CYP2C19: variants seen among roughly 807,000 people sequenced by gnomAD.
CYP2C19 encodes the protein cytochrome P450 2C19.
In CYP2C19, 59 loss-of-function variants were observed where a neutral mutation model predicts 40.9. That is an observed-to-expected ratio of 1.44 (90% CI 1.17 to 1.79). The LOEUF (loss-of-function observed/expected upper bound fraction) is 1.79, where lower values mean the gene tolerates loss of function less well. CYP2C19 is among the 40% of genes most tolerant of loss of function. CYP2C19 has a pLI of 0.00. For synonymous variants in CYP2C19, 253 were observed against 208.7 expected (o/e 1.21, Z -1.83); for missense variants, 754 against 596.9 (o/e 1.26, Z -2.74).
At chr10:94,791,958 T>C (rs1848610686) in intron 5 of CYP2C19, among the ~76,000 whole-genome samples, 1 of 152,242 alleles carries the variant, frequency 6.6e-6, no homozygotes, top group Admixed American at 6.5e-5. Context: ...ATGTTGACAG[T>C]GGGGTGTTAA....
At chr10:94,822,858 T>A (rs1043078210) in intron 6 of CYP2C19, among the ~76,000 whole-genome samples, 1 of 152,204 alleles carries the variant, frequency 6.6e-6, no homozygotes, top group African/African-American at 2.4e-5. Context: ...CATATGTTTG[T>A]TGGCTGCTTG....
intron 5 of CYP2C19, among the ~76,000 whole-genome samples, chr10:94,805,415 C>A (rs1848818894): frequency 6.6e-6 from 1 of 152,018 alleles, no homozygotes; most frequent in Non-Finnish European, 1.5e-5. Flanking sequence ...TGTGTGTAAT[C>A]TTTTAAATTT....
chr10:94,844,811 G>A (rs1403666868), intron 7 of CYP2C19, among the ~76,000 whole-genome samples: 1 of 152,166 alleles, frequency 6.6e-6, no homozygotes, highest in African/African-American at 2.4e-5. Flanking sequence ...GAGGGTAATA[G>A]TAATGAAACT....
Position 94,842,979 on chromosome 10 carries a change from T to G in CYP2C19, c.1104T>G (p.His368Gln). The change falls in exon 7 of 9, where the codon CAT becomes CAG. Residue 368 changes from histidine (H) to glutamine (Q), a missense_variant. Transcript: ENST00000371321. ...ACCTCATCCCCACCAGCCTGCCCCA[T>G]GCAGTGACCTGTGACGTTAAATTCA... ...YIDLIPTSLP[H>Q]AVTCDVKFRN... 1 of 1,614,196 alleles carries G rather than the reference T, an allele frequency of 6.2e-7. No individual in the cohort carries two copies.
At chr10:94,842,751 T>C in intron 6 of CYP2C19, 86 bp from the exon 7 acceptor site, 1 of 1,383,872 alleles carries the variant, frequency 7.2e-7, no homozygotes, top group Non-Finnish European at 1.0e-6. Flanking sequence ...TTGGATACCT[T>C]CATCATGATT....
chr10:94,796,345 C>T (rs1333410075), intron 5 of CYP2C19, among the ~76,000 whole-genome samples: 1 of 152,080 alleles, frequency 6.6e-6, no homozygotes, highest in Non-Finnish European at 1.5e-5. Flanking sequence ...CTGTTCTGTT[C>T]CATTGGTCTA....
At chr10:94,782,196 A>G (rs1218403107) in intron 5 of CYP2C19, among the ~76,000 whole-genome samples, 199 bp downstream of exon 5, 5 of 152,194 alleles carry the variant, frequency 3.3e-5, no homozygotes, top group Admixed American at 2.0e-4. Context: ...TAGAATACAT[A>G]GAAGAAATTG....
At chr10:94,811,038 C>A (rs1035845935) in intron 5 of CYP2C19, among the ~76,000 whole-genome samples, 3 of 152,190 alleles carry the variant, frequency 2.0e-5, no homozygotes, top group African/African-American at 7.2e-5. Context: ...AATTTTCCCT[C>A]TAAACACTGC....
At chr10:94,847,939 G>T (rs1277551423) in intron 7 of CYP2C19, among the ~76,000 whole-genome samples, 2 of 151,970 alleles carry the variant, frequency 1.3e-5, no homozygotes, top group Admixed American at 1.3e-4. Flanking sequence ...TTTTTTTCTT[G>T]TAAATTTGTT....
intron 1 of CYP2C19, among the ~76,000 whole-genome samples, chr10:94,764,759 T>C (rs977369890): frequency 6.6e-6 from 1 of 152,124 alleles, no homozygotes; most frequent in African/African-American, 2.4e-5. Context: ...CTTGATGGCG[T>C]TGATCCTAGA....
At chr10:94,814,677 G>A (rs577452609) in intron 5 of CYP2C19, among the ~76,000 whole-genome samples, 140 of 150,300 alleles carry the variant, frequency 9.3e-4, no homozygotes, top group African/African-American at 2.6e-3. Flanking sequence ...GTATTTGGGC[G>A]TCCTCCTATT....
chr10:94,803,644 C>T (rs1353618349), intron 5 of CYP2C19, among the ~76,000 whole-genome samples: 1 of 152,152 alleles, frequency 6.6e-6, no homozygotes, highest in African/African-American at 2.4e-5. Context: ...AGACTTGAAG[C>T]CCCCAGGGTT....
At chr10:94,802,182 A>C (rs1848776147) in intron 5 of CYP2C19, among the ~76,000 whole-genome samples, 1 of 152,262 alleles carries the variant, frequency 6.6e-6, no homozygotes, top group Admixed American at 6.5e-5. Flanking sequence ...GGTCCAGTTT[A>C]CAAACCTCTA....
chr10:94,831,471 C>T (rs377027659), intron 6 of CYP2C19, among the ~76,000 whole-genome samples: 12 of 152,262 alleles, frequency 7.9e-5, no homozygotes, highest in African/African-American at 2.6e-4. Flanking sequence ...TTTTGAGGAA[C>T]ATTCAAACAG....
intron 1 of CYP2C19, among the ~76,000 whole-genome samples, chr10:94,771,217 C>T (rs747184822): frequency 1.3e-5 from 2 of 152,066 alleles, no homozygotes; most frequent in Non-Finnish European, 2.9e-5. Flanking sequence ...TAACTGATAG[C>T]CCGGGGTTTT....
At position 94,855,387 on chromosome 10, in the gene CYP2C19, G is replaced by C. The variant is rs1181249105; in HGVS notation, c.*2473G>C. Among the ~76,000 whole-genome samples the C allele has an allele frequency of 2.0e-5, 3 of 152,168 alleles. No individual in the cohort carries two copies. The highest frequency in any genetic ancestry group is 4.4e-5 in the Non-Finnish European group (3 of 68,036). On this transcript the variant is annotated 3_prime_UTR_variant, in exon 9 of 9. Transcript: ENST00000371321. Reference sequence around the variant, plus strand: ...GCAATCTGACTGGAAAGTAGAAGTTGCTAACAACTTTGCTAATTCTCTGCA... The same window carrying C: ...GCAATCTGACTGGAAAGTAGAAGTTCCTAACAACTTTGCTAATTCTCTGCA...
chr10:94,782,016 C>T lies in CYP2C19; in HGVS notation c.819+19C>T. 6.6e-7 allele frequency: 1 copy of T among 1,526,652 alleles called. No individual in the cohort carries two copies. Among genetic ancestry groups the T allele is most frequent in the Non-Finnish European group, 8.7e-7 (1 of 1,144,368 alleles). 94.6% of individuals were successfully genotyped at this position (1,526,652 alleles called of 1,614,324 possible). A position where few individuals can be genotyped will look rare whatever the true frequency, so the allele number is the denominator to read the frequency against. ...GGAGAAGGTAAAATGTTAACAAAAG[C>T]TTAGTTATGTGACTGCTTGCGTATT... On this transcript the variant is annotated intron_variant, in intron 5 of 8. Coordinates refer to ENST00000371321, the MANE Select transcript of CYP2C19 (RefSeq NM_000769.4).
chr10:94,807,797 T>C (rs752160639), intron 5 of CYP2C19, among the ~76,000 whole-genome samples: 4 of 152,158 alleles, frequency 2.6e-5, no homozygotes. Flanking sequence ...TTAATCCTGG[T>C]CAGATGAAAA....
chr10:94,849,144 C>T (rs1052583503), intron 7 of CYP2C19, among the ~76,000 whole-genome samples: 5 of 152,090 alleles, frequency 3.3e-5, no homozygotes, highest in African/African-American at 7.2e-5. Context: ...GAGAACATCC[C>T]TGTCTTGTGC....
Sources: gnomAD v4.1 joint callset for allele counts (sites outside exome capture counted in the v4.1 genomes callset) on GRCh38, gnomAD v4.1.1 for gene constraint, MANE v1.5 for transcripts, NCBI Gene and HGNC (gene_info 2026-07-23, HGNC 2026-07-21) for gene names.